ADGRE3: variants seen among roughly 807,000 people sequenced by gnomAD.
ADGRE3 encodes the protein EGF-like module receptor 3.
ADGRE3 carries 88 observed loss-of-function variants against 80.1 expected under a neutral mutation model. That is an observed-to-expected ratio of 1.10 (90% CI 0.93 to 1.31). The LOEUF (loss-of-function observed/expected upper bound fraction) is 1.31. Among genes scored for constraint, ADGRE3 ranks in the 40% most tolerant of loss-of-function variants. The pLI is 0.00. For synonymous variants in ADGRE3, 281 were observed against 294.8 expected (o/e 0.95, Z 0.48); for missense variants, 715 against 776.5 (o/e 0.92, Z 0.94).
chr19:14,659,821 T>TG lies in ADGRE3; in HGVS notation c.356-1272dup, dbSNP rs1178876353. On this transcript the variant is annotated intron_variant, in intron 4 of 15. Transcript: ENST00000253673. ...GGGAGACAGAGCGAGACTCTGCCTC[T>TG]GAAAAAAAAAAAAAAAAAAAAAAAA... Among the ~76,000 whole-genome samples the TG allele has an allele frequency of 3.3e-3, 49 of 14,980 alleles. 1 individual carries two copies. In the African/African-American group the frequency reaches 0.037, roughly 11 times the overall value. The allele number at this position is 14,980 out of a possible 152,430, so 9.8% of individuals were successfully genotyped here.
chr19:14,638,362 C>A (rs749071106), intron 10 of ADGRE3, 22 bp from the exon 11 acceptor site: 4 of 1,591,326 alleles, frequency 2.5e-6, no homozygotes, highest in Non-Finnish European at 3.4e-6. Context: ...GAAAGGGATG[C>A]CTGAAGGGGT....
At chr19:14,602,271 T>C in the ADGRE3 span, among the ~76,000 whole-genome samples, 1 of 152,096 alleles carries the variant, frequency 6.6e-6, no homozygotes, top group African/African-American at 2.4e-5. Context: ...CTCTGGCTTT[T>C]AATTGGTGTT....
chr19:14,608,297 A>G, the ADGRE3 span, among the ~76,000 whole-genome samples: 1 of 152,184 alleles, frequency 6.6e-6, no homozygotes, highest in Non-Finnish European at 1.5e-5. Flanking sequence ...AGGATTTGTC[A>G]TTGGCAAAGA....
chr19:14,643,396 G>A (rs567304164), intron 9 of ADGRE3, among the ~76,000 whole-genome samples: 4 of 151,762 alleles, frequency 2.6e-5, no homozygotes, highest in South Asian at 4.2e-4. Context: ...TGCCTGCCTC[G>A]GCCTCCCAAA....
chr19:14,615,987 G>T (rs1442231713), downstream of ADGRE3, among the ~76,000 whole-genome samples: 2 of 141,480 alleles, frequency 1.4e-5, no homozygotes, highest in Middle Eastern at 3.4e-3. Context: ...TTTTTTAACA[G>T]AGTCTTGCTC....
the ADGRE3 span, among the ~76,000 whole-genome samples, chr19:14,601,756 C>T: frequency 1.3e-5 from 2 of 152,120 alleles, no homozygotes; most frequent in Non-Finnish European, 2.9e-5. Context: ...GTAGCTAGGA[C>T]AACCAGGCAC....
Position 14,669,064 on chromosome 19 carries a change from T to C in ADGRE3, c.26-212A>G, listed in dbSNP as rs532272182. On this transcript the variant is annotated intron_variant, in intron 1 of 15. Coordinates refer to ENST00000253673, the MANE Select transcript of ADGRE3 (RefSeq NM_032571.5). Reference sequence around the variant, plus strand: ...GACCCAGCAATCCCACTACTGGATATCTACCCAAAGGAAAAGAAATCATTA... The same window carrying C: ...GACCCAGCAATCCCACTACTGGATACCTACCCAAAGGAAAAGAAATCATTA... Among the ~76,000 whole-genome samples the C allele has an allele frequency of 4.6e-5, 7 of 152,274 alleles. No homozygotes were observed. In the South Asian group the frequency reaches 1.4e-3, roughly 32 times the overall value.
chr19:14,644,787 G>A (rs7245656), intron 8 of ADGRE3, among the ~76,000 whole-genome samples: 31,333 of 152,158 alleles, frequency 0.21, 3,516 homozygotes, highest in African/African-American at 0.3. Flanking sequence ...GTGCCGTGAC[G>A]CAATCACAGC....
chr19:14,631,688 A>G (rs763720772), intron 13 of ADGRE3, among the ~76,000 whole-genome samples: 1 of 152,028 alleles, frequency 6.6e-6, no homozygotes, highest in Non-Finnish European at 1.5e-5. Context: ...TACATTATAT[A>G]TATCCCTAAT....
Position 14,633,704 on chromosome 19 carries a change from C to CA in ADGRE3, c.1485-403dup, listed in dbSNP as rs1288396434. On this transcript the variant is annotated intron_variant, in intron 11 of 15. Transcript: ENST00000253673. ...TGGGCGACAGACTGAGACTCCGTCT[C>CA]AAAAAAAATAAAATAAAATAAAATA... Among the ~76,000 whole-genome samples the CA allele has an allele frequency of 1.8e-4, 13 of 73,676 alleles. No homozygotes were observed. In the East Asian group the frequency reaches 3.6e-3, roughly 20 times the overall value. 48.3% of individuals were successfully genotyped at this position (73,676 alleles called of 152,430 possible).
At chr19:14,618,499 A>G (rs2075096240), downstream of ADGRE3, among the ~76,000 whole-genome samples, 1 of 152,034 alleles carries the variant, frequency 6.6e-6, no homozygotes. Context: ...GGTTGCAGTG[A>G]GCCTAGATCT....
At chr19:14,663,905 A>G (rs1032884943) in intron 2 of ADGRE3, among the ~76,000 whole-genome samples, 2 of 152,194 alleles carry the variant, frequency 1.3e-5, no homozygotes, top group Middle Eastern at 3.4e-3. Flanking sequence ...ACCCATTTAC[A>G]TTAGGTATTT....
intron 11 of ADGRE3, among the ~76,000 whole-genome samples, chr19:14,635,142 G>A (rs59991294): frequency 0.037 from 5,661 of 152,114 alleles, 279 homozygotes; most frequent in African/African-American, 0.11. Context: ...TGTCACTCAG[G>A]CTGTGGTGCA....
At position 14,625,482 on chromosome 19, in the gene ADGRE3, T is replaced by A. The variant is rs918684319; in HGVS notation, c.1920+10A>T. On this transcript the variant is annotated intron_variant, in intron 15 of 15. Transcript: ENST00000253673. ...GTAAAACATTAGAACAATTCAGATG[T>A]TTCACTTACCTCACTGGGTTTTGAG... 1.5e-6 allele frequency: 2 copies of A among 1,313,468 alleles called. No individual in the cohort carries two copies. The highest frequency in any genetic ancestry group is 2.3e-5 in the African/African-American group (1 of 42,712). 81.4% of individuals were successfully genotyped at this position (1,313,468 alleles called of 1,614,324 possible). A position where few individuals can be genotyped will look rare whatever the true frequency, so the allele number is the denominator to read the frequency against.
At chr19:14,641,331 A>G in intron 10 of ADGRE3, 88 bp downstream of exon 10, 1 of 1,530,376 alleles carries the variant, frequency 6.5e-7, no homozygotes, top group Non-Finnish European at 9.0e-7. Context: ...ACCCAAGGAC[A>G]TTTTATTAAG....
chr19:14,646,145 A>G (rs1171044528), intron 8 of ADGRE3, among the ~76,000 whole-genome samples: 1 of 152,038 alleles, frequency 6.6e-6, no homozygotes, highest in Non-Finnish European at 1.5e-5. Context: ...TTTTTCTGAG[A>G]CGGAGTCTGA....
intron 8 of ADGRE3, among the ~76,000 whole-genome samples, chr19:14,646,371 C>T (rs1971398277): frequency 6.6e-6 from 1 of 152,174 alleles, no homozygotes; most frequent in Non-Finnish European, 1.5e-5. Context: ...ACCTTGGCCT[C>T]CCAAAGTGCT....
Position 14,670,195 on chromosome 19 carries a change from C to T in ADGRE3, c.26-1343G>A, listed in dbSNP as rs528139409. ...AGTCAGTTAGTGGATGGGGCTGCAA[C>T]GGCTGAGAACTAGCTGGGCATTGTC... is the stretch of plus-strand genomic sequence containing the variant. On this transcript the variant is annotated intron_variant, in intron 1 of 15. Transcript: ENST00000253673. Among the ~76,000 whole-genome samples the T allele has an allele frequency of 4.2e-3, 644 of 152,270 alleles. 5 individuals are homozygous for T. Among genetic ancestry groups the T allele is most frequent in the Middle Eastern group, 0.01 (3 of 294 alleles).
chr19:14,643,697 C>T (rs578146627), intron 9 of ADGRE3, among the ~76,000 whole-genome samples: 1 of 151,978 alleles, frequency 6.6e-6, no homozygotes, highest in Non-Finnish European at 1.5e-5. Flanking sequence ...TCTTACCTTG[C>T]GTCTTTTCCA....
Sources: gnomAD v4.1 joint callset for allele counts (sites outside exome capture counted in the v4.1 genomes callset) on GRCh38, gnomAD v4.1.1 for gene constraint, MANE v1.5 for transcripts, NCBI Gene and HGNC (gene_info 2026-07-23, HGNC 2026-07-21) for gene names.